The following ANAPC10 variants were observed in gnomAD, a reference collection of about 807,000 sequenced individuals.
ANAPC10 encodes the protein anaphase-promoting complex subunit 10.
In ANAPC10, 12 loss-of-function variants were observed where a neutral mutation model predicts 22.0. The observed-to-expected ratio is 0.55, with a 90% confidence interval of 0.35 to 0.88. The LOEUF is 0.88. Ranked by LOEUF, ANAPC10 falls within the 40% of genes least tolerant of loss-of-function variation. ANAPC10 has a pLI of 0.01. For missense variants in ANAPC10, 188 were observed against 220.9 expected (o/e 0.85, Z 0.94); for synonymous variants, 65 against 69.5 (o/e 0.94, Z 0.32).
At chr4:145,046,173 T>C (rs1740270622) in intron 4 of ANAPC10, among the ~76,000 whole-genome samples, 1 of 152,080 alleles carries the variant, frequency 6.6e-6, no homozygotes, top group African/African-American at 2.4e-5. Context: ...TCTGCAAAAA[T>C]ATTTGTGCAA....
intron 4 of ANAPC10, among the ~76,000 whole-genome samples, chr4:145,031,560 C>CTGAAA (rs1214926037): frequency 1.5e-4 from 23 of 152,300 alleles, no homozygotes; most frequent in African/African-American, 5.3e-4. Context: ...ATCGAGTGAC[C>CTGAAA]TGAAAGGCTG....
At chr4:145,045,265 T>C (rs1740132048) in intron 4 of ANAPC10, among the ~76,000 whole-genome samples, 2 of 152,096 alleles carry the variant, frequency 1.3e-5, no homozygotes, top group African/African-American at 4.8e-5. Flanking sequence ...CCTACTTAAT[T>C]CTTTCTGGAA....
At chr4:145,018,577 G>T (rs1473531569) in intron 4 of ANAPC10, among the ~76,000 whole-genome samples, 1 of 151,986 alleles carries the variant, frequency 6.6e-6, no homozygotes, top group Non-Finnish European at 1.5e-5. Context: ...GGCAGAGTTT[G>T]CAGTGAGCCG....
intron 4 of ANAPC10, among the ~76,000 whole-genome samples, chr4:145,002,032 T>C (rs767482042): frequency 2.0e-5 from 3 of 152,226 alleles, no homozygotes; most frequent in East Asian, 1.9e-4. Flanking sequence ...AACTACTTGA[T>C]AGTTGCTTCA....
At chr4:145,077,577 C>T (rs1745373305) in intron 3 of ANAPC10, among the ~76,000 whole-genome samples, 1 of 152,022 alleles carries the variant, frequency 6.6e-6, no homozygotes, top group Non-Finnish European at 1.5e-5. Context: ...AAAGAAGAAA[C>T]CTCAGGCCAA....
intron 4 of ANAPC10, among the ~76,000 whole-genome samples, chr4:145,054,624 TGTGTGTGTGTGTGTGTGCGC>T (rs1560884054): frequency 3.0e-5 from 4 of 132,256 alleles, no homozygotes; most frequent in Non-Finnish European, 6.7e-5. Flanking sequence ...TGTGTGTGTG[TGTGTGTGTGTGTGTGTGCGC>T]GCGCGCGCGC....
At position 145,093,782 on chromosome 4, in the gene ANAPC10, A is replaced by G. The variant is rs115903194; in HGVS notation, c.115+2203T>C. Among the ~76,000 whole-genome samples, 646 of 152,270 alleles carry G rather than the reference A, an allele frequency of 4.2e-3. 3 individuals carry two copies. The highest frequency in any genetic ancestry group is 0.014 in the African/African-American group (592 of 41,552). On this transcript the variant is annotated intron_variant, in intron 2 of 4. Coordinates refer to ENST00000507656, the MANE Select transcript of ANAPC10 (RefSeq NM_001256706.2). ...AGACAGGCCAATGAAAAATACCAGA[A>G]TTGAAACACAACTCCAAAAAAAGTG...
chr4:145,085,076 T>C (rs1020513657), intron 2 of ANAPC10, among the ~76,000 whole-genome samples: 25 of 152,048 alleles, frequency 1.6e-4, no homozygotes, highest in African/African-American at 6.0e-4. Context: ...AAAGCTGTTT[T>C]ACCAGCCTGT....
At chr4:145,012,869 G>T (rs1357515451) in intron 4 of ANAPC10, among the ~76,000 whole-genome samples, 1 of 152,162 alleles carries the variant, frequency 6.6e-6, no homozygotes, top group Non-Finnish European at 1.5e-5. Context: ...AATCCCCAAT[G>T]ATGGAGGGGG....
At chr4:145,081,558 T>C (rs1746017172) in intron 3 of ANAPC10, 102 bp downstream of exon 3, 1 of 712,540 alleles carries the variant, frequency 1.4e-6, no homozygotes, top group Admixed American at 2.8e-5. Flanking sequence ...AAAAGTTAAG[T>C]GTATTTCATT....
intron 2 of ANAPC10, among the ~76,000 whole-genome samples, chr4:145,095,424 T>A (rs1218235787): frequency 1.3e-5 from 2 of 152,156 alleles, no homozygotes; most frequent in African/African-American, 4.8e-5. Context: ...TTGTCCAGCA[T>A]ATCCACACTG....
intron 4 of ANAPC10, among the ~76,000 whole-genome samples, chr4:145,039,973 G>A (rs1446884215): frequency 2.6e-5 from 4 of 152,130 alleles, no homozygotes; most frequent in Admixed American, 6.5e-5. Flanking sequence ...AAATGGCAGA[G>A]CAAGAATTCA....
intron 3 of ANAPC10, among the ~76,000 whole-genome samples, chr4:145,066,034 A>C (rs1414497234): frequency 1.3e-5 from 2 of 152,152 alleles, no homozygotes; most frequent in African/African-American, 4.8e-5. Context: ...AAATCTATTT[A>C]CATGTGCTTT....
chr4:145,071,878 TACAGAGA>T (rs1317878227), intron 3 of ANAPC10, among the ~76,000 whole-genome samples: 3 of 152,136 alleles, frequency 2.0e-5, no homozygotes. Flanking sequence ...TACAGCCAAG[TACAGAGA>T]ACATCAATGC....
At chr4:145,085,128 T>C (rs1441314590) in intron 2 of ANAPC10, among the ~76,000 whole-genome samples, 2 of 152,224 alleles carry the variant, frequency 1.3e-5, no homozygotes, top group East Asian at 3.9e-4. Context: ...ATAAAAAAAC[T>C]TAGCCAGGCG....
chr4:145,060,815 T>C lies in ANAPC10; in HGVS notation c.327+3757A>G, dbSNP rs541432016. ...GTTTTTTTTATATATTTAGATATTG[T>C]GGTAGAATAACAGAAAAAATAAAAT... On this transcript the variant is annotated intron_variant, in intron 4 of 4. Transcript: ENST00000507656. Among the ~76,000 whole-genome samples the C allele has an allele frequency of 1.8e-4, 27 of 152,114 alleles. No homozygotes were observed. The East Asian group carries it at 5.0e-3, about 28-fold the overall frequency.
At chr4:145,052,200 T>C (rs1741209845) in intron 4 of ANAPC10, among the ~76,000 whole-genome samples, 1 of 152,178 alleles carries the variant, frequency 6.6e-6, no homozygotes, top group Admixed American at 6.5e-5. Flanking sequence ...TGCATCACTA[T>C]GAGTACAATT....
intron 3 of ANAPC10, among the ~76,000 whole-genome samples, chr4:145,075,548 G>A (rs182493313): frequency 6.6e-6 from 1 of 152,014 alleles, no homozygotes; most frequent in Admixed American, 6.5e-5. Flanking sequence ...CATTGAGAGT[G>A]GACAGAGGGA....
intron 4 of ANAPC10, among the ~76,000 whole-genome samples, chr4:145,052,536 G>A (rs1410219302): frequency 6.6e-6 from 1 of 151,964 alleles, no homozygotes; most frequent in African/African-American, 2.4e-5. Flanking sequence ...GTTGTTACTG[G>A]TTATAAGTTT....
Sources: gnomAD v4.1 joint callset for allele counts (sites outside exome capture counted in the v4.1 genomes callset) on GRCh38, gnomAD v4.1.1 for gene constraint, MANE v1.5 for transcripts, NCBI Gene and HGNC (gene_info 2026-07-23, HGNC 2026-07-21) for gene names.